Variants in BRINP3 observed in about 807,000 individuals in gnomAD.
BRINP3 encodes the protein BMP/retinoic acid inducible neural specific 3, also known as BMP/retinoic acid-inducible neural-specific protein 3.
Under a neutral mutation model 71.0 loss-of-function variants are expected in BRINP3, and 19 were observed. The observed-to-expected ratio is 0.27, with a 90% CI of 0.19 to 0.39. BRINP3 has a LOEUF of 0.39. Among genes scored for constraint, BRINP3 ranks in the 10% least tolerant of loss-of-function variants. BRINP3 has a pLI of 1.00. For synonymous variants in BRINP3, 380 were observed against 337.7 expected (o/e 1.13, Z -1.37); for missense variants, 959 against 940.8 (o/e 1.02, Z -0.25).
At chr1:190,260,039 G>GA (rs11336955) in intron 4 of BRINP3, among the ~76,000 whole-genome samples, 6,230 of 128,886 alleles carry the variant, frequency 0.048, 188 homozygotes, top group Non-Finnish European at 0.072. Context: ...AAAGAAATTG[G>GA]AAAAAAAAAA....
chr1:190,317,650 C>A (rs1665975175), intron 2 of BRINP3, among the ~76,000 whole-genome samples: 1 of 151,962 alleles, frequency 6.6e-6, no homozygotes, highest in South Asian at 2.1e-4. Context: ...AAAAAAAAAT[C>A]ACAATGAACA....
At chr1:190,231,721 T>C (rs1658008743) in intron 5 of BRINP3, among the ~76,000 whole-genome samples, 2 of 151,906 alleles carry the variant, frequency 1.3e-5, no homozygotes. Context: ...ATGGCTCTTT[T>C]AATTTTTGAA....
intron 6 of BRINP3, among the ~76,000 whole-genome samples, chr1:190,225,510 G>C (rs1205030927): frequency 6.6e-6 from 1 of 151,508 alleles, no homozygotes; most frequent in Non-Finnish European, 1.5e-5. Flanking sequence ...AAAATGCAGG[G>C]AAAATAAAAG....
chr1:190,475,810 T>A (rs1263114712), intron 1 of BRINP3: 1 of 152,270 alleles, frequency 6.6e-6, no homozygotes, highest in Non-Finnish European at 1.5e-5. Flanking sequence ...CCTTACTGGA[T>A]CTGACTGTAC....
intron 6 of BRINP3, among the ~76,000 whole-genome samples, chr1:190,218,747 G>T (rs943877636): frequency 3.3e-5 from 5 of 151,334 alleles, no homozygotes; most frequent in African/African-American, 4.9e-5. Context: ...CACCCTCCTT[G>T]TCCCCTCTAT....
chr1:190,195,183 C>T (rs988911318), intron 6 of BRINP3, among the ~76,000 whole-genome samples: 7 of 151,676 alleles, frequency 4.6e-5, no homozygotes, highest in Non-Finnish European at 1.0e-4. Context: ...GTGGTTAAGG[C>T]TAAATTGATG....
chr1:190,185,645 T>C (rs1348559298), intron 6 of BRINP3, among the ~76,000 whole-genome samples: 1 of 152,132 alleles, frequency 6.6e-6, no homozygotes, highest in Non-Finnish European at 1.5e-5. Flanking sequence ...TAGACATCCA[T>C]GTCTCCTGCA....
At chr1:190,412,024 C>A (rs896926785) in intron 2 of BRINP3, among the ~76,000 whole-genome samples, 5 of 152,024 alleles carry the variant, frequency 3.3e-5, no homozygotes, top group Non-Finnish European at 5.9e-5. Flanking sequence ...CTTACTGTAA[C>A]CTATGTTTGA....
At chr1:190,357,477 G>A (rs1668810429) in intron 2 of BRINP3, among the ~76,000 whole-genome samples, 2 of 151,938 alleles carry the variant, frequency 1.3e-5, no homozygotes, top group East Asian at 1.9e-4. Context: ...TATGGCTTTG[G>A]TATACTGCCG....
At position 190,160,663 on chromosome 1, in the gene BRINP3, C is replaced by A; in HGVS notation, c.1184+5G>T. ...TAATTGCTTACATTACCACAAATGT[C>A]TTACCTTTGTCTTGGCAGGCTGATG... On this transcript the variant is annotated splice_donor_5th_base_variant and intron_variant, in intron 7 of 7. Coordinates refer to ENST00000367462, the MANE Select transcript of BRINP3 (RefSeq NM_199051.3). 1 of 1,609,284 alleles carries A rather than the reference C, an allele frequency of 6.2e-7. No individual in the cohort carries two copies. Among genetic ancestry groups the A allele is most frequent in the Non-Finnish European group, 8.5e-7 (1 of 1,177,572 alleles).
intron 6 of BRINP3, among the ~76,000 whole-genome samples, chr1:190,197,282 C>A (rs901837357): frequency 3.3e-5 from 5 of 152,072 alleles, no homozygotes; most frequent in Admixed American, 2.0e-4. Context: ...AGAGACAGAG[C>A]CAAACCATAC....
intron 2 of BRINP3, among the ~76,000 whole-genome samples, chr1:190,373,426 A>G (rs1669990472): frequency 7.8e-6 from 1 of 128,020 alleles, no homozygotes; most frequent in Admixed American, 7.5e-5. Context: ...CCTTAATTAT[A>G]TATATATATG....
At chr1:190,428,239 A>C (rs1317519723) in intron 2 of BRINP3, among the ~76,000 whole-genome samples, 1 of 152,074 alleles carries the variant, frequency 6.6e-6, no homozygotes, top group Non-Finnish European at 1.5e-5. Context: ...AATTTTCATT[A>C]ACACAATCTC....
intron 4 of BRINP3, among the ~76,000 whole-genome samples, chr1:190,252,080 T>C (rs1452702140): frequency 6.6e-6 from 1 of 152,070 alleles, no homozygotes; most frequent in Non-Finnish European, 1.5e-5. Context: ...ATATAGTTTG[T>C]AAAGATATTT....
chr1:190,403,255 C>G (rs1262447178), intron 2 of BRINP3, among the ~76,000 whole-genome samples: 2 of 152,100 alleles, frequency 1.3e-5, no homozygotes, highest in African/African-American at 4.8e-5. Context: ...AGTGAACAAC[C>G]TATAATATAA....
rs116640387 is a variant in BRINP3, at chr1:190,099,459, T to C, written c.1185-325A>G. On this transcript the variant is annotated intron_variant, in intron 7 of 7. Transcript: ENST00000367462. ...TTGCATGCTATCTCATTAGTGCACA[T>C]GGAAGACCATTGTAAATAAAAATGG... is the stretch of plus-strand genomic sequence containing the variant. 2.6e-3 allele frequency among the ~76,000 whole-genome samples: 402 copies of C among 152,246 alleles called. 3 individuals are homozygous for C. Among genetic ancestry groups the C allele is most frequent in the African/African-American group, 9.2e-3 (382 of 41,538 alleles).
At chr1:190,281,983 G>T (rs1663076499) in intron 2 of BRINP3, among the ~76,000 whole-genome samples, 1 of 125,620 alleles carries the variant, frequency 8.0e-6, no homozygotes, top group Admixed American at 9.3e-5. Context: ...CTTCCACTGA[G>T]ATTTTTTTCC....
At chr1:190,352,899 C>CT (rs1668489449) in intron 2 of BRINP3, among the ~76,000 whole-genome samples, 4 of 151,658 alleles carry the variant, frequency 2.6e-5, no homozygotes, top group Admixed American at 6.6e-5. Context: ...CATGCATGCA[C>CT]ACATGGAATT....
At chr1:190,387,848 T>G (rs958798845) in intron 2 of BRINP3, among the ~76,000 whole-genome samples, 15 of 151,856 alleles carry the variant, frequency 9.9e-5, no homozygotes, top group Non-Finnish European at 1.5e-4. Flanking sequence ...TCTAGATTTC[T>G]TCACTGAATT....
Sources: allele counts gnomAD v4.1 joint callset (sites outside exome capture counted in the v4.1 genomes callset), GRCh38; gene constraint gnomAD v4.1.1; transcripts MANE v1.5; gene names NCBI Gene and HGNC (gene_info 2026-07-23, HGNC 2026-07-21).